The following CYTH1 variants were observed in gnomAD, a reference collection of about 807,000 sequenced individuals.
CYTH1 encodes the protein cytohesin 1, also known as cytohesin-1.
A neutral mutation model predicts 61.8 loss-of-function variants in CYTH1; 18 were observed. That is an observed-to-expected ratio of 0.29 (90% CI 0.20 to 0.43). The LOEUF is 0.43. CYTH1 is among the 20% of genes least tolerant of loss of function. CYTH1 has a pLI of 1.00. For missense variants in CYTH1, 336 were observed against 510.5 expected, an observed-to-expected ratio of 0.66 and a Z score of 3.29; for synonymous variants, 174 against 184.3, an observed-to-expected ratio of 0.94 and a Z score of 0.45.
chr17:78,770,643 T>C (rs2093467708), intron 1 of CYTH1, among the ~76,000 whole-genome samples: 2 of 152,250 alleles, frequency 1.3e-5, no homozygotes, highest in South Asian at 2.1e-4. Flanking sequence ...GGTCTCGATC[T>C]CTTGACTTTG....
At chr17:78,685,805 C>G (rs894542502) in intron 11 of CYTH1, among the ~76,000 whole-genome samples, 2 of 152,004 alleles carry the variant, frequency 1.3e-5, no homozygotes, top group African/African-American at 4.8e-5. Context: ...TTTACTTAAA[C>G]AATAACGTGG....
At position 78,782,241 on chromosome 17, in the gene CYTH1, C is replaced by G. The variant is rs1385366343; in HGVS notation, c.-18G>C. Reference sequence around the variant, plus strand: ...TCCTCCATGGTGCGGGAGCCGGGCTCCGCGCTCCGGCTCGCCGCTCGCGTC... The same window carrying G: ...TCCTCCATGGTGCGGGAGCCGGGCTGCGCGCTCCGGCTCGCCGCTCGCGTC... On this transcript the variant is annotated 5_prime_UTR_variant, in exon 1 of 14. Coordinates refer to ENST00000446868, the MANE Select transcript of CYTH1 (RefSeq NM_004762.6). 19 of 1,304,172 alleles carry G rather than the reference C, an allele frequency of 1.5e-5. No homozygotes were observed. The East Asian group carries it at 4.4e-4, about 31-fold the overall frequency. The allele number at this position is 1,304,172 out of a possible 1,614,324, so 80.8% of individuals were successfully genotyped here.
intron 1 of CYTH1, among the ~76,000 whole-genome samples, chr17:78,754,817 C>T (rs1433157021): frequency 6.6e-6 from 1 of 151,996 alleles, no homozygotes; most frequent in Non-Finnish European, 1.5e-5. Flanking sequence ...TAAATAAAAG[C>T]TCTTCTAAGC....
Position 78,698,179 on chromosome 17 carries a change from GCGCACA to G in CYTH1, c.811+84_811+89del. ...CATGCACACGCACAAACACGCACACGCGCACACACGCACGCACGCACACACGCACAC... is the reference window on the plus strand; with the variant it reads ...CATGCACACGCACAAACACGCACACGCACGCACGCACGCACACACGCACAC... On this transcript the variant is annotated intron_variant, in intron 9 of 13. Coordinates refer to ENST00000446868, the MANE Select transcript of CYTH1 (RefSeq NM_004762.6). 3 of 1,056,868 alleles carry G rather than the reference GCGCACA, an allele frequency of 2.8e-6. No individual in the cohort carries two copies. The East Asian group carries it at 7.1e-5, about 25-fold the overall frequency. 65.5% of individuals were successfully genotyped at this position (1,056,868 alleles called of 1,614,324 possible). A position where few individuals can be genotyped will look rare whatever the true frequency, so the allele number is the denominator to read the frequency against.
At chr17:78,702,278 T>C (rs375790253) in intron 4 of CYTH1, 38 bp from the exon 5 acceptor site, 4 of 1,536,516 alleles carry the variant, frequency 2.6e-6, no homozygotes, top group East Asian at 4.5e-5. Context: ...GATGCTTTGC[T>C]GGGAAACAGT....
chr17:78,708,108 C>T, intron 3 of CYTH1, 89 bp downstream of exon 3: 1 of 1,323,738 alleles, frequency 7.6e-7, no homozygotes, highest in Non-Finnish European at 1.1e-6. Context: ...CTGACTTTTT[C>T]CTTCAATGTG....
Position 78,680,230 on chromosome 17 carries a change from G to A in CYTH1, c.1078C>T (p.Pro360Ser), listed in dbSNP as rs753345906. ...GNHTVYRISAPTPEEKEEWIK... is the reference protein window; with the variant it reads ...GNHTVYRISASTPEEKEEWIK... ...CACTCCTCCTTCTCCTCGGGCGTCG[G>A]AGCTGAGATCCGGTAAACAGTGTGG... The change falls in exon 13 of 14, where the codon CCG becomes TCG. Residue 360 changes from proline to serine, a missense_variant. By Grantham distance (74) the Pro-to-Ser change is moderately conservative. Around this residue, in one of 4 missense-constraint regions of CYTH1, gnomAD observed 83 missense variants for 115.6 expected, o/e 0.72. Transcript: ENST00000446868. 2.5e-6 allele frequency: 4 copies of A among 1,614,056 alleles called. No homozygotes were observed. The highest frequency in any genetic ancestry group is 2.2e-5 in the South Asian group (2 of 91,080).
chr17:78,699,874 T>G (rs2092990130), intron 7 of CYTH1, among the ~76,000 whole-genome samples: 1 of 152,178 alleles, frequency 6.6e-6, no homozygotes, highest in African/African-American at 2.4e-5. Flanking sequence ...CGTGTAGTCG[T>G]AAACTCTTGG....
At chr17:78,686,435 T>A (rs1164735295) in intron 11 of CYTH1, among the ~76,000 whole-genome samples, 2 of 152,180 alleles carry the variant, frequency 1.3e-5, no homozygotes, top group Non-Finnish European at 2.9e-5. Context: ...GAGTGACCCC[T>A]GGTTCTCCTC....
At chr17:78,678,876 C>A (rs1329108450) in intron 13 of CYTH1, among the ~76,000 whole-genome samples, 1 of 152,240 alleles carries the variant, frequency 6.6e-6, no homozygotes, top group Non-Finnish European at 1.5e-5. Flanking sequence ...CCAGGCACTG[C>A]GCTCAGAGAG....
chr17:78,763,333 C>G (rs2093436181), intron 1 of CYTH1, among the ~76,000 whole-genome samples: 1 of 151,976 alleles, frequency 6.6e-6, no homozygotes, highest in African/African-American at 2.4e-5. Flanking sequence ...TAATCCCTCT[C>G]AAGATACACA....
At chr17:78,773,007 T>G (rs1254364782) in intron 1 of CYTH1, among the ~76,000 whole-genome samples, 1 of 152,130 alleles carries the variant, frequency 6.6e-6, no homozygotes, top group Non-Finnish European at 1.5e-5. Context: ...TTTTTTTTTG[T>G]ATTTTAGTAG....
In CYTH1 at chr17:78,698,184, C is replaced by T; in HGVS notation, c.811+85G>A. On this transcript the variant is annotated intron_variant, in intron 9 of 13. Transcript: ENST00000446868. Reference sequence around the variant, plus strand: ...ACACGCACAAACACGCACACGCGCACACACGCACGCACGCACACACGCACA... The same window carrying T: ...ACACGCACAAACACGCACACGCGCATACACGCACGCACGCACACACGCACA... 5 of 1,123,096 alleles carry T rather than the reference C, an allele frequency of 4.5e-6. No individual in the cohort carries two copies. The Admixed American group carries it at 7.7e-5, about 17-fold the overall frequency. 69.6% of individuals were successfully genotyped at this position (1,123,096 alleles called of 1,614,324 possible).
At chr17:78,693,358 C>T (rs1260250041) in intron 10 of CYTH1, among the ~76,000 whole-genome samples, 1 of 152,082 alleles carries the variant, frequency 6.6e-6, no homozygotes, top group Non-Finnish European at 1.5e-5. Context: ...CACAGGGGCT[C>T]ACGTCTATAA....
chr17:78,712,110 A>AAGGGAGGAAGGAAGGG (rs1474168998), intron 1 of CYTH1, among the ~76,000 whole-genome samples: 2 of 127,378 alleles, frequency 1.6e-5, no homozygotes, highest in Admixed American at 8.2e-5. Flanking sequence ...GGAAGGAAGG[A>AAGGGAGGAAGGAAGGG]AGGGAGGAAG....
chr17:78,728,243 G>A lies in CYTH1; in HGVS notation c.23-18511C>T, dbSNP rs117661384. Among the ~76,000 whole-genome samples, 271 of 152,278 alleles carry A rather than the reference G, an allele frequency of 1.8e-3. 1 individual carries two copies. Among genetic ancestry groups the A allele is most frequent in the Admixed American group, 5.2e-3 (80 of 15,298 alleles). ...ATCAAAGTTCTCGTACATACACCAC[G>A]ATGTTTAAAAACATTATTTACGCCG... On this transcript the variant is annotated intron_variant, in intron 1 of 13. Coordinates refer to ENST00000446868, the MANE Select transcript of CYTH1 (RefSeq NM_004762.6).
intron 1 of CYTH1, among the ~76,000 whole-genome samples, chr17:78,713,925 A>G (rs1440505271): frequency 1.3e-5 from 2 of 152,232 alleles, no homozygotes; most frequent in Non-Finnish European, 2.9e-5. Flanking sequence ...GATGGACACA[A>G]TCTAGCTTCT....
At chr17:78,753,602 G>A (rs570445288) in intron 1 of CYTH1, among the ~76,000 whole-genome samples, 5 of 152,308 alleles carry the variant, frequency 3.3e-5, no homozygotes, top group Middle Eastern at 3.4e-3. Flanking sequence ...TGCCCTTAGG[G>A]AATCTAACAG....
chr17:78,760,355 T>TATATATATA (rs2093416888), intron 1 of CYTH1, among the ~76,000 whole-genome samples: 4 of 52,276 alleles, frequency 7.7e-5, no homozygotes, highest in African/African-American at 2.9e-4. Flanking sequence ...AATAGCAGGT[T>TATATATATA]TATATATATA....
Sources: gnomAD v4.1 joint callset for allele counts (sites outside exome capture counted in the v4.1 genomes callset) on GRCh38, gnomAD v4.1.1 for gene constraint, gnomAD v4.1.1 regional missense constraint, MANE v1.5 for transcripts, NCBI Gene and HGNC (gene_info 2026-07-23, HGNC 2026-07-21) for gene names.